The following GRIK5 variants were observed in gnomAD, a reference collection of about 807,000 sequenced individuals.
GRIK5 encodes glutamate receptor ionotropic, kainate 5.
GRIK5 carries 43 observed loss-of-function variants against 97.4 expected under a neutral mutation model. That is an observed-to-expected ratio of 0.44 (90% CI 0.35 to 0.57). The LOEUF is 0.57. Ranked by LOEUF, GRIK5 falls within the 20% of genes least tolerant of loss-of-function variation. The pLI, the probability that GRIK5 is intolerant of heterozygous loss-of-function variation, is 0.01. For missense variants in GRIK5, 1,015 were observed against 1,382.0 expected, an observed-to-expected ratio of 0.73 and a Z score of 4.21; for synonymous variants, 580 against 583.5, an observed-to-expected ratio of 0.99 and a Z score of 0.09.
At chr19:42,031,323 G>A (rs542762138) in intron 12 of GRIK5, among the ~76,000 whole-genome samples, 1 of 152,330 alleles carries the variant, frequency 6.6e-6, no homozygotes, top group South Asian at 2.1e-4. Context: ...ATAGAGAATT[G>A]CTTTTGAATT....
At chr19:42,037,004 G>A (rs1257006650) in intron 12 of GRIK5, among the ~76,000 whole-genome samples, 1 of 152,184 alleles carries the variant, frequency 6.6e-6, no homozygotes, top group Non-Finnish European at 1.5e-5. Flanking sequence ...AAGCCAGTAA[G>A]GAGTAAGTCC....
intron 11 of GRIK5, among the ~76,000 whole-genome samples, chr19:42,048,994 T>C (rs534827430): frequency 3.9e-5 from 6 of 152,168 alleles, no homozygotes; most frequent in African/African-American, 1.2e-4. Flanking sequence ...TGAGCTACGA[T>C]TGGGCCACTG....
intron 17 of GRIK5, among the ~76,000 whole-genome samples, chr19:42,004,511 T>C (rs2075462473): frequency 6.6e-6 from 1 of 152,234 alleles, no homozygotes; most frequent in Non-Finnish European, 1.5e-5. Context: ...CTGGGTTTAT[T>C]CAGGTCTTAT....
intron 3 of GRIK5, among the ~76,000 whole-genome samples, chr19:42,063,947 G>C (rs2076293226): frequency 6.6e-6 from 1 of 152,050 alleles, no homozygotes; most frequent in Non-Finnish European, 1.5e-5. Context: ...CTCCAAACTG[G>C]CTCCTTCTGG....
At chr19:42,058,486 A>G (rs903621038) in intron 6 of GRIK5, among the ~76,000 whole-genome samples, 12 of 148,650 alleles carry the variant, frequency 8.1e-5, no homozygotes, top group Non-Finnish European at 3.0e-5. Flanking sequence ...TGGCTGACAT[A>G]TGGTTTTAAT....
At chr19:42,005,464 T>A (rs1240681745) in intron 17 of GRIK5, among the ~76,000 whole-genome samples, 1 of 152,146 alleles carries the variant, frequency 6.6e-6, no homozygotes, top group Non-Finnish European at 1.5e-5. Flanking sequence ...ACCACCCACA[T>A]ATACTGAATT....
intron 15 of GRIK5, among the ~76,000 whole-genome samples, chr19:42,011,271 G>T (rs1291202925): frequency 6.6e-6 from 1 of 152,018 alleles, no homozygotes; most frequent in Non-Finnish European, 1.5e-5. Flanking sequence ...AGTATTTTGT[G>T]GCTGGGTGCG....
intron 12 of GRIK5, among the ~76,000 whole-genome samples, chr19:42,031,408 G>A (rs2075839359): frequency 6.6e-6 from 1 of 152,148 alleles, no homozygotes; most frequent in Admixed American, 6.5e-5. Context: ...TGACTCCATG[G>A]GTCAGTGCGC....
chr19:42,021,400 G>A lies in GRIK5; in HGVS notation c.1772C>T (p.Thr591Met), dbSNP rs1167980856. 8 of 1,612,624 alleles carry A rather than the reference G, an allele frequency of 5.0e-6. No individual in the cohort carries two copies. Among genetic ancestry groups the A allele is most frequent in the East Asian group, 2.2e-5 (1 of 44,848 alleles). ...ARPHILENQY[T>M]LGNSLWFPVG... ...GGGAAACCACAGGCTGTTGCCCAGC[G>A]TGTACTGGTTCTCCAGGATGTGGGG... The change falls in exon 15 of 20, where the codon ACG becomes ATG. Residue 591 changes from threonine (T) to methionine (M), a missense_variant. Physicochemically the swap from Thr to Met is moderately conservative, Grantham distance 81 (BLOSUM62 -1). This residue lies in a region of GRIK5 where 477 missense variants were observed against 701.1 expected (regional missense o/e 0.68). Coordinates refer to ENST00000593562, the MANE Select transcript of GRIK5 (RefSeq NM_002088.5). The surrounding 1 kb of genome is among the most constrained non-coding windows in gnomAD (Gnocchi z 4.2).
chr19:42,006,774 C>G lies in GRIK5; in HGVS notation c.1908G>C (p.Thr636=). 1.2e-6 allele frequency: 2 copies of G among 1,612,686 alleles called. No homozygotes were observed. Among genetic ancestry groups the G allele is most frequent in the Non-Finnish European group, 1.7e-6 (2 of 1,179,374 alleles). ...AFTLIIISSY[T]ANLAAFLTVQ... ...CGGTGAGGAAGGCGGCCAGGTTGGCCGTGTAGGAGGAGATGATGATCAAGG... is the reference window on the plus strand; with the variant it reads ...CGGTGAGGAAGGCGGCCAGGTTGGCGGTGTAGGAGGAGATGATGATCAAGG... The change falls in exon 16 of 20, where the codon ACG becomes ACC. Residue 636 remains threonine (T), a synonymous_variant. Coordinates refer to ENST00000593562, the MANE Select transcript of GRIK5 (RefSeq NM_002088.5). This position sits in a 1 kb window ranked among gnomAD's most constrained non-coding sequence, Gnocchi z 5.3.
In GRIK5 at chr19:41,999,324, G is replaced by A. The variant is rs1555870426; in HGVS notation, c.2515-25C>T. The A allele has an allele frequency of 9.4e-6, 14 of 1,492,196 alleles. No homozygotes were observed. The highest frequency in any genetic ancestry group is 1.9e-4 in the Middle Eastern group (1 of 5,310). 92.4% of individuals were successfully genotyped at this position (1,492,196 alleles called of 1,614,324 possible). A position where few individuals can be genotyped will look rare whatever the true frequency, so the allele number is the denominator to read the frequency against. The stretch of plus-strand genomic sequence containing the variant: ...CCTGGGGGTGGCGCGGGCGGTCACC[G>A]TCCCGGCGCAGTCCGCCTCCCGCCT... On this transcript the variant is annotated intron_variant, in intron 19 of 19. Coordinates refer to ENST00000593562, the MANE Select transcript of GRIK5 (RefSeq NM_002088.5). The surrounding 1 kb of genome is among the most constrained non-coding windows in gnomAD (Gnocchi z 5.0).
intron 12 of GRIK5, among the ~76,000 whole-genome samples, chr19:42,026,907 C>G (rs1404525185): frequency 3.3e-5 from 5 of 152,038 alleles, no homozygotes; most frequent in Admixed American, 3.3e-4. Flanking sequence ...CTCACCCGAC[C>G]CAATGAGGCC....
chr19:42,000,266 G>A (rs2075413537), intron 19 of GRIK5, among the ~76,000 whole-genome samples: 1 of 152,190 alleles, frequency 6.6e-6, no homozygotes, highest in African/African-American at 2.4e-5. Context: ...AGAACAGATT[G>A]TAGGGAGGCC....
chr19:42,017,730 C>T (rs1277257171), intron 15 of GRIK5, among the ~76,000 whole-genome samples: 4 of 152,066 alleles, frequency 2.6e-5, no homozygotes, highest in Admixed American at 1.3e-4. Context: ...GATAAGGGGT[C>T]GCATGTGCGC....
Position 42,064,406 on chromosome 19 carries a change from T to C in GRIK5, c.244+817A>G, listed in dbSNP as rs182564935. On this transcript the variant is annotated intron_variant, in intron 3 of 19. Transcript: ENST00000593562. ...GTCCTGAATCCAGGTGGATTCAGGA[T>C]GGGCTCAACCCCATACCCCCCCATT... Among the ~76,000 whole-genome samples the C allele has an allele frequency of 3.1e-4, 47 of 152,184 alleles. No homozygotes were observed. The Middle Eastern group carries it at 0.02, about 66-fold the overall frequency.
At chr19:42,014,576 A>G (rs2075603133) in intron 15 of GRIK5, among the ~76,000 whole-genome samples, 1 of 152,106 alleles carries the variant, frequency 6.6e-6, no homozygotes, top group Admixed American at 6.6e-5. Flanking sequence ...TGAGGTCAGG[A>G]GTTTGAGACC....
At chr19:42,043,878 T>C (rs916144144) in intron 11 of GRIK5, among the ~76,000 whole-genome samples, 2 of 152,126 alleles carry the variant, frequency 1.3e-5, no homozygotes, top group Admixed American at 1.3e-4. Flanking sequence ...CCACTGCACT[T>C]CAGCCTGGGC....
intron 12 of GRIK5, among the ~76,000 whole-genome samples, chr19:42,028,687 C>G (rs1270740212): frequency 6.6e-6 from 1 of 152,260 alleles, no homozygotes; most frequent in Non-Finnish European, 1.5e-5. Flanking sequence ...CAGCTCTTCC[C>G]TTTCTTCCTT....
chr19:42,011,141 A>ACACC (rs1555873848), intron 15 of GRIK5, among the ~76,000 whole-genome samples: 11 of 150,898 alleles, frequency 7.3e-5, no homozygotes, highest in African/African-American at 1.2e-4. Context: ...ACACACACAC[A>ACACC]CCCCTAATGT....
Sources: gnomAD v4.1 joint callset for allele counts (sites outside exome capture counted in the v4.1 genomes callset) on GRCh38, gnomAD v4.1.1 for gene constraint, gnomAD v4.1.1 regional missense constraint, Gnocchi (gnomAD v3.1) non-coding constraint, MANE v1.5 for transcripts, NCBI Gene and HGNC (gene_info 2026-07-23, HGNC 2026-07-21) for gene names.